RBFOX1: variants seen among roughly 807,000 people sequenced by gnomAD.
RBFOX1 encodes the protein RNA binding protein fox-1 homolog 1.
Under a neutral mutation model 57.7 loss-of-function variants are expected in RBFOX1, and 8 were observed. The ratio of observed to expected loss-of-function variants is 0.14; its 90% CI spans 0.08 to 0.25. The LOEUF is 0.25. Among genes scored for constraint, RBFOX1 ranks in the 10% least tolerant of loss-of-function variants. RBFOX1 has a pLI of 1.00. For missense variants in RBFOX1, 611 were observed against 548.5 expected (o/e 1.11, Z -1.14); for synonymous variants, 326 against 222.4 (o/e 1.47, Z -4.15).
chr16:7,450,878 G>A (rs1046119716), intron 4 of RBFOX1, among the ~76,000 whole-genome samples: 1 of 152,154 alleles, frequency 6.6e-6, no homozygotes, highest in African/African-American at 2.4e-5. Context: ...GAGAGGGTAG[G>A]AGAATGGTGA....
intron 3 of RBFOX1, among the ~76,000 whole-genome samples, chr16:5,854,591 C>A (rs1230020453): frequency 6.6e-6 from 1 of 151,638 alleles, no homozygotes; most frequent in South Asian, 2.1e-4. Flanking sequence ...TTCACACACA[C>A]ACACACACAC....
intron 4 of RBFOX1, among the ~76,000 whole-genome samples, chr16:7,474,721 T>G (rs1038103420): frequency 6.6e-6 from 1 of 152,212 alleles, no homozygotes. Context: ...TCTTAATTTT[T>G]CTTCTGTAAA....
intron 14 of RBFOX1, among the ~76,000 whole-genome samples, chr16:7,698,569 A>G (rs868199870): frequency 4.6e-5 from 7 of 152,262 alleles, no homozygotes; most frequent in African/African-American, 1.4e-4. Context: ...TTTAGGTAAT[A>G]TTTAATATTT....
chr16:6,810,321 T>C (rs2088152010), intron 3 of RBFOX1, among the ~76,000 whole-genome samples: 1 of 152,258 alleles, frequency 6.6e-6, no homozygotes, highest in African/African-American at 2.4e-5. Flanking sequence ...ATGAGACCCA[T>C]GAGGGCCGTA....
At chr16:7,615,254 A>C (rs1340716737) in intron 10 of RBFOX1, among the ~76,000 whole-genome samples, 1 of 152,114 alleles carries the variant, frequency 6.6e-6, no homozygotes, top group Non-Finnish European at 1.5e-5. Context: ...AATGGCGTGA[A>C]CCTGGGAGGC....
At chr16:6,589,643 A>G (rs2097682756) in intron 2 of RBFOX1, among the ~76,000 whole-genome samples, 1 of 152,222 alleles carries the variant, frequency 6.6e-6, no homozygotes, top group African/African-American at 2.4e-5. Context: ...CAGGACTCCT[A>G]AATCATAATT....
rs1346501273 is a variant in RBFOX1, at chr16:5,422,590, C to T, written c.220-44626C>T. On this transcript the variant is annotated intron_variant, in intron 1 of 2. Coordinates refer to the RBFOX1 transcript ENST00000585867. ...GAGGAGGAGGGGGAGAGGGAGGAAG[C>T]GAGGACAGGAGGAAGAGTGAGAGGG... Among the ~76,000 whole-genome samples the T allele has an allele frequency of 7.5e-5, 5 of 66,346 alleles. No individual in the cohort carries two copies. The East Asian group carries it at 2.6e-3, about 35-fold the overall frequency. 43.5% of individuals were successfully genotyped at this position (66,346 alleles called of 152,430 possible). A position where few individuals can be genotyped will look rare whatever the true frequency, so the allele number is the denominator to read the frequency against.
intron 3 of RBFOX1, among the ~76,000 whole-genome samples, chr16:6,981,305 C>T (rs188292802): frequency 7.2e-5 from 11 of 151,932 alleles, no homozygotes; most frequent in African/African-American, 2.4e-4. Context: ...GTGTTTTGTC[C>T]CCCTCTATGT....
At chr16:7,495,593 T>C (rs2068367092) in intron 4 of RBFOX1, among the ~76,000 whole-genome samples, 2 of 152,248 alleles carry the variant, frequency 1.3e-5, no homozygotes, top group African/African-American at 2.4e-5. Flanking sequence ...TTTTTTCGTA[T>C]GTTTGTTGAC....
chr16:5,989,295 C>A (rs2060343892), intron 4 of RBFOX1, among the ~76,000 whole-genome samples: 1 of 152,008 alleles, frequency 6.6e-6, no homozygotes, highest in Non-Finnish European at 1.5e-5. Context: ...GGCGCCACTG[C>A]ACTGCAGCCT....
chr16:6,663,293 A>G (rs562900214), intron 3 of RBFOX1, among the ~76,000 whole-genome samples: 3 of 152,184 alleles, frequency 2.0e-5, no homozygotes, highest in Non-Finnish European at 2.9e-5. Flanking sequence ...GTATTTGTAT[A>G]TAGTTTGCTG....
rs553775184 is a variant in RBFOX1 at position 6,458,579 on chromosome 16, C to A, written c.-64+141522C>A. ...AACCAGGCATCAACCATTGGTGTTT[C>A]AGAGCAAGAGAATAACTGACATCCA... On this transcript the variant is annotated intron_variant, in intron 2 of 15. Coordinates refer to ENST00000550418, the MANE Select transcript of RBFOX1 (RefSeq NM_018723.4). Among the ~76,000 whole-genome samples the A allele has an allele frequency of 3.9e-5, 6 of 152,280 alleles. No homozygotes were observed. The East Asian group carries it at 1.2e-3, about 29-fold the overall frequency.
At chr16:5,833,723 C>T (rs548592576) in intron 3 of RBFOX1, among the ~76,000 whole-genome samples, 46 of 152,242 alleles carry the variant, frequency 3.0e-4, no homozygotes, top group Non-Finnish European at 5.3e-4. Flanking sequence ...GCACATCTCT[C>T]TCTTTTGAGA....
intron 2 of RBFOX1, among the ~76,000 whole-genome samples, chr16:6,559,363 C>A (rs1011393763): frequency 1.3e-5 from 2 of 151,922 alleles, no homozygotes; most frequent in African/African-American, 4.8e-5. Flanking sequence ...TGTATATATA[C>A]ACACACACGT....
At chr16:6,124,845 T>A (rs2096577649) in intron 1 of RBFOX1, among the ~76,000 whole-genome samples, 1 of 152,142 alleles carries the variant, frequency 6.6e-6, no homozygotes, top group Non-Finnish European at 1.5e-5. Context: ...AATTTTTTAA[T>A]ACATCCAATT....
At chr16:5,360,859 C>G (rs1005953453) in intron 1 of RBFOX1, among the ~76,000 whole-genome samples, 5 of 152,144 alleles carry the variant, frequency 3.3e-5, no homozygotes, top group Admixed American at 2.6e-4. Context: ...GTATGACTGA[C>G]TGATCTTATA....
chr16:6,980,391 C>T (rs528439508), intron 3 of RBFOX1, among the ~76,000 whole-genome samples: 3 of 152,078 alleles, frequency 2.0e-5, no homozygotes, highest in South Asian at 4.1e-4. Context: ...TATCTTTTTC[C>T]TTCATGAGAG....
intron 1 of RBFOX1, among the ~76,000 whole-genome samples, chr16:6,191,491 A>G (rs992642070): frequency 2.6e-5 from 4 of 152,162 alleles, no homozygotes; most frequent in Admixed American, 6.5e-5. Flanking sequence ...GATGTTTACC[A>G]TGCCCCACTT....
At chr16:6,995,290 T>TTGTGTGTGTGTGTGTGTG (rs57039390) in intron 3 of RBFOX1, among the ~76,000 whole-genome samples, 57 of 138,412 alleles carry the variant, frequency 4.1e-4, no homozygotes, top group Non-Finnish European at 7.1e-4. Context: ...GAAAGTAGCC[T>TTGTGTGTGTGTGTGTGTG]TGTGTGTGTG....
Sources: gnomAD v4.1 joint callset for allele counts (sites outside exome capture counted in the v4.1 genomes callset) on GRCh38, gnomAD v4.1.1 for gene constraint, MANE v1.5 for transcripts, NCBI Gene and HGNC (gene_info 2026-07-23, HGNC 2026-07-21) for gene names.